The following ZNF316 variants were observed in gnomAD, a reference collection of about 807,000 sequenced individuals.
ZNF316 encodes the protein zinc finger protein 316.
A neutral mutation model predicts 75.6 loss-of-function variants in ZNF316; 23 were observed. That is an observed-to-expected ratio of 0.30 (90% confidence interval 0.22 to 0.43). The LOEUF (loss-of-function observed/expected upper bound fraction) is 0.43. Ranked by LOEUF, ZNF316 falls within the 20% of genes least tolerant of loss-of-function variation. The probability of loss-of-function intolerance (pLI) is 1.00; values close to 1 mark genes in which losing one functional copy is unlikely to be tolerated. For synonymous variants in ZNF316, 827 were observed against 666.2 expected (o/e 1.24, Z -3.72); for missense variants, 1,266 against 1,409.4 (o/e 0.90, Z 1.63).
In ZNF316 at chr7:6,653,805, C is replaced by T; in HGVS notation, c.2209C>T (p.His737Tyr). The change falls in exon 9 of 9, where the codon CAC becomes TAC. Residue 737 changes from histidine to tyrosine, a missense_variant. His to Tyr is a moderately conservative substitution (Grantham distance 83, BLOSUM62 2). This residue lies in a region of ZNF316 where 194 missense variants were observed against 319.2 expected (regional missense o/e 0.61). Transcript: ENST00000382252. ...CGTGTACGGCTCGCACCTGGCGCGC[C>T]ACCGGCGCACACACACCGGCGAGCG... ...SFVYGSHLAR[H>Y]RRTHTGERPF... is the part of the protein sequence containing the mutation. The T allele has an allele frequency of 9.2e-7, 1 of 1,082,330 alleles. No homozygotes were observed. Among genetic ancestry groups the T allele is most frequent in the Non-Finnish European group, 1.1e-6 (1 of 889,772 alleles). 67.0% of individuals were successfully genotyped at this position (1,082,330 alleles called of 1,614,324 possible).
chr7:6,645,653 C>T (rs916129323), intron 8 of ZNF316, among the ~76,000 whole-genome samples: 1 of 148,074 alleles, frequency 6.8e-6, no homozygotes, highest in African/African-American at 2.5e-5. Context: ...CACTGCACTC[C>T]GGCCTGGGTG....
At chr7:6,650,404 G>A (rs1326428900) in intron 8 of ZNF316, among the ~76,000 whole-genome samples, 1 of 152,224 alleles carries the variant, frequency 6.6e-6, no homozygotes, top group Non-Finnish European at 1.5e-5. Context: ...AACCGATAAA[G>A]TATCATGAAA....
Position 6,653,396 on chromosome 7 carries a change from C to T in ZNF316, c.1800C>T (p.Phe600=), listed in dbSNP as rs914328738. Residue 600 remains phenylalanine (F), a synonymous_variant, in exon 9 of 9, where the codon TTC becomes TTT. Coordinates refer to ENST00000382252, the MANE Select transcript of ZNF316 (RefSeq NM_001278559.2). The stretch of plus-strand genomic sequence containing the variant: ...CCTCCCACCCGCTGGGCTTCCACTT[C>T]CCCGTGCACCCCAAGTCCTGGCTGC... ...GPSSHPLGFH[F]PVHPKSWLHP... is the part of the protein sequence containing the mutation. 15 of 1,227,152 alleles carry T rather than the reference C, an allele frequency of 1.2e-5. No homozygotes were observed. Among genetic ancestry groups the T allele is most frequent in the Non-Finnish European group, 1.5e-5 (15 of 985,532 alleles). 76.0% of individuals were successfully genotyped at this position (1,227,152 alleles called of 1,614,324 possible). A position where few individuals can be genotyped will look rare whatever the true frequency, so the allele number is the denominator to read the frequency against.
Position 6,637,976 on chromosome 7 carries a change from G to C in ZNF316, c.-300G>C, listed in dbSNP as rs1307700227. On this transcript the variant is annotated 5_prime_UTR_variant, in exon 2 of 9. Transcript: ENST00000382252. This position sits in a 1 kb window ranked among gnomAD's most constrained non-coding sequence, Gnocchi z 6.2. Reference sequence around the variant, plus strand: ...TTCCCTCATCTGCAGAAGGAGCCCCGGTGGGCTGCTCGGCTGTCTTCTGCT... The same window carrying C: ...TTCCCTCATCTGCAGAAGGAGCCCCCGTGGGCTGCTCGGCTGTCTTCTGCT... 1 of 152,254 alleles carries C rather than the reference G, an allele frequency of 6.6e-6. No individual in the cohort carries two copies. 9.4% of individuals were successfully genotyped at this position (152,254 alleles called of 1,614,324 possible).
chr7:6,638,706 G>A (rs867766127), intron 2 of ZNF316, among the ~76,000 whole-genome samples: 6 of 152,308 alleles, frequency 3.9e-5, no homozygotes, highest in Non-Finnish European at 5.9e-5. Context: ...AGGTCGAGGC[G>A]GGTGGATCAC....
At position 6,637,388 on chromosome 7, in the gene ZNF316, C is replaced by A. The variant is rs1229692146; in HGVS notation, c.-490C>A. ...ACTTTGTGTAGCGCGGGGTCCGCCG[C>A]CGGCCCGCAGGCCCCGGCCCCGGTG... On this transcript the variant is annotated 5_prime_UTR_variant, in exon 1 of 9. Transcript: ENST00000382252. This position sits in a 1 kb window ranked among gnomAD's most constrained non-coding sequence, Gnocchi z 6.2. 1.4e-5 allele frequency: 2 copies of A among 147,562 alleles called. No homozygotes were observed. The highest frequency in any genetic ancestry group is 4.9e-5 in the African/African-American group (2 of 40,578). 9.1% of individuals were successfully genotyped at this position (147,562 alleles called of 1,614,324 possible).
rs80124927 is a variant in ZNF316 at position 6,646,748 on chromosome 7, C to T, written c.706+2155C>T. 6.2e-4 allele frequency among the ~76,000 whole-genome samples: 94 copies of T among 152,268 alleles called. No individual in the cohort carries two copies. In the East Asian group the frequency reaches 0.016, roughly 26 times the overall value. ...TGCCTCCCCTGCATTCATTTCTGGT[C>T]GGCTGAGCTGGTTGAGATCGCTGGG... is the stretch of plus-strand genomic sequence containing the variant. On this transcript the variant is annotated intron_variant, in intron 8 of 8. Coordinates refer to ENST00000382252, the MANE Select transcript of ZNF316 (RefSeq NM_001278559.2).
rs1438736216 is a variant in ZNF316 at position 6,642,693 on chromosome 7, G to A, written c.284G>A (p.Cys95Tyr). ...AAGGAGGTGCTGGCAGAGGAGGAGT[G>A]TCCGGCGTTGGGGACCCAGGAGCGA... ...DVKEVLAEEE[C>Y]PALGTQERLS... The change falls in exon 5 of 9, where the codon TGT (cysteine) becomes TAT (tyrosine). Residue 95 changes from cysteine to tyrosine, a missense_variant. Transcript: ENST00000382252. This position sits in a 1 kb window ranked among gnomAD's most constrained non-coding sequence, Gnocchi z 8.1. The A allele has an allele frequency of 6.5e-6, 8 of 1,235,082 alleles. No individual in the cohort carries two copies. The highest frequency in any genetic ancestry group is 8.1e-6 in the Non-Finnish European group (8 of 990,030). 76.5% of individuals were successfully genotyped at this position (1,235,082 alleles called of 1,614,324 possible). A position where few individuals can be genotyped will look rare whatever the true frequency, so the allele number is the denominator to read the frequency against.
rs1779657784 is a variant in ZNF316, at chr7:6,658,129, T to C, written c.*3518T>C. On this transcript the variant is annotated 3_prime_UTR_variant, in exon 9 of 9. Transcript: ENST00000382252. Reference sequence around the variant, plus strand: ...CCGGTTTCCCCAACCTCCTTCCTTTTCTGATTCATTCCTTTTATCCTGATC... The same window carrying C: ...CCGGTTTCCCCAACCTCCTTCCTTTCCTGATTCATTCCTTTTATCCTGATC... Among the ~76,000 whole-genome samples, 1 of 152,178 alleles carries C rather than the reference T, an allele frequency of 6.6e-6. No homozygotes were observed. Among genetic ancestry groups the C allele is most frequent in the African/African-American group, 2.4e-5 (1 of 41,446 alleles).
rs1375089807 is a variant in ZNF316, at chr7:6,656,796, G to GC, written c.*2186dup. Among the ~76,000 whole-genome samples the GC allele has an allele frequency of 6.6e-6, 1 of 152,186 alleles. No individual in the cohort carries two copies. ...CCCAGCCCTTTCTTCAGAGGCCCCA[G>GC]CACCATGTGGCTCATCCAGGGCTCA... On this transcript the variant is annotated 3_prime_UTR_variant, in exon 9 of 9. Transcript: ENST00000382252.
At position 6,654,311 on chromosome 7, in the gene ZNF316, C is replaced by G. The variant is rs1562584909; in HGVS notation, c.2715C>G (p.His905Gln). The change falls in exon 9 of 9, where the codon CAC becomes CAG. Residue 905 changes from histidine to glutamine, a missense_variant. Transcript: ENST00000382252. ...RFSQRSVLVT[H>Q]QRTHTGERPY... ...CGCAGCGCTCGGTGCTGGTCACGCACCAGCGCACACATACGGGCGAGCGGC... is the reference window on the plus strand; with the variant it reads ...CGCAGCGCTCGGTGCTGGTCACGCAGCAGCGCACACATACGGGCGAGCGGC... 1.6e-6 allele frequency: 2 copies of G among 1,223,306 alleles called. No homozygotes were observed. The highest frequency in any genetic ancestry group is 3.2e-5 in the East Asian group (1 of 30,798). 75.8% of individuals were successfully genotyped at this position (1,223,306 alleles called of 1,614,324 possible). A position where few individuals can be genotyped will look rare whatever the true frequency, so the allele number is the denominator to read the frequency against.
chr7:6,654,576 G>C lies in ZNF316; in HGVS notation c.2980G>C (p.Gly994Arg). Reference protein sequence around the residue: ...FGSEHQAAFAGPSGAYREGVL With the variant: ...FGSEHQAAFARPSGAYREGVL ...CTCCGAGCACCAGGCCGCGTTCGCC[G>C]GGCCCTCGGGCGCCTACCGGGAGGG... Residue 994 changes from glycine (G) to arginine (R), a missense_variant, in exon 9 of 9, where the codon GGG becomes CGG. By Grantham distance (125) the Gly-to-Arg change is moderately radical. Coordinates refer to ENST00000382252, the MANE Select transcript of ZNF316 (RefSeq NM_001278559.2). The C allele has an allele frequency of 8.4e-7, 1 of 1,187,284 alleles. No individual in the cohort carries two copies. The highest frequency in any genetic ancestry group is 1.0e-6 in the Non-Finnish European group (1 of 959,438). The allele number at this position is 1,187,284 out of a possible 1,614,324, so 73.5% of individuals were successfully genotyped here. A position where few individuals can be genotyped will look rare whatever the true frequency, so the allele number is the denominator to read the frequency against.
Position 6,654,302 on chromosome 7 carries a change from G to A in ZNF316, c.2706G>A (p.Leu902=), listed in dbSNP as rs1779574894. The A allele has an allele frequency of 1.6e-6, 2 of 1,223,946 alleles. No individual in the cohort carries two copies. Among genetic ancestry groups the A allele is most frequent in the East Asian group, 3.2e-5 (1 of 30,782 alleles). The allele number at this position is 1,223,946 out of a possible 1,614,324, so 75.8% of individuals were successfully genotyped here. ...CGKRFSQRSV[L]VTHQRTHTGE... is the part of the protein sequence containing the mutation. Reference sequence around the variant, plus strand: ...AGCGCTTTTCGCAGCGCTCGGTGCTGGTCACGCACCAGCGCACACATACGG... The same window carrying A: ...AGCGCTTTTCGCAGCGCTCGGTGCTAGTCACGCACCAGCGCACACATACGG... The change falls in exon 9 of 9, where the codon CTG becomes CTA. Residue 902 remains leucine, a synonymous_variant. Transcript: ENST00000382252.
At chr7:6,652,257 C>T in intron 8 of ZNF316, 46 bp from the exon 9 acceptor site, 1 of 1,232,038 alleles carries the variant, frequency 8.1e-7, no homozygotes, top group East Asian at 3.2e-5. Context: ...AGGCTCCTGT[C>T]AAGTTCACTT....
intron 8 of ZNF316, among the ~76,000 whole-genome samples, chr7:6,651,190 A>AATC (rs556164753): frequency 1.5e-3 from 228 of 150,484 alleles, no homozygotes; most frequent in Middle Eastern, 3.4e-3. Flanking sequence ...TCTCTACTAA[A>AATC]ATCATCATCA....
intron 3 of ZNF316, among the ~76,000 whole-genome samples, chr7:6,641,294 G>C (rs545690053): frequency 2.6e-5 from 4 of 152,322 alleles, no homozygotes; most frequent in African/African-American, 9.6e-5. Context: ...CTCTCCCCCT[G>C]GATTCTGGGC....
At chr7:6,646,861 C>T (rs1477017752) in intron 8 of ZNF316, among the ~76,000 whole-genome samples, 1 of 152,134 alleles carries the variant, frequency 6.6e-6, no homozygotes, top group Non-Finnish European at 1.5e-5. Context: ...CTCTCTTGGG[C>T]TCCTTGATGA....
intron 3 of ZNF316, among the ~76,000 whole-genome samples, chr7:6,641,153 G>A (rs1178290535): frequency 1.3e-5 from 2 of 152,182 alleles, no homozygotes; most frequent in Admixed American, 1.3e-4. Context: ...TCTCGTGAAG[G>A]CCACTCAGTC....
chr7:6,654,775 T>C lies in ZNF316; in HGVS notation c.*164T>C. The C allele has an allele frequency of 1.8e-6, 1 of 543,012 alleles. No individual in the cohort carries two copies. The highest frequency in any genetic ancestry group is 2.6e-6 in the Non-Finnish European group (1 of 386,264). 33.6% of individuals were successfully genotyped at this position (543,012 alleles called of 1,614,324 possible). On this transcript the variant is annotated 3_prime_UTR_variant, in exon 9 of 9. Transcript: ENST00000382252. Reference sequence around the variant, plus strand: ...GGCCCCGGGTCTCATGCCCGCCGGGTCCGTGTGCTCAGCCGGAGACGTGGG... The same window carrying C: ...GGCCCCGGGTCTCATGCCCGCCGGGCCCGTGTGCTCAGCCGGAGACGTGGG...
Sources: allele counts gnomAD v4.1 joint callset (sites outside exome capture counted in the v4.1 genomes callset), GRCh38; gene constraint gnomAD v4.1.1; regional missense constraint gnomAD v4.1.1; non-coding constraint Gnocchi (gnomAD v3.1); transcripts MANE v1.5; gene names NCBI Gene and HGNC (gene_info 2026-07-23, HGNC 2026-07-21).